PID1: variants seen among roughly 807,000 people sequenced by gnomAD.
PID1 encodes the protein phosphotyrosine interaction domain containing 1, also known as PTB-containing, cubilin and LRP1-interacting protein.
Under a neutral mutation model 19.1 loss-of-function variants are expected in PID1, and 10 were observed. That is an observed-to-expected ratio of 0.52 (90% CI 0.32 to 0.89). The LOEUF is 0.89. Among genes scored for constraint, PID1 ranks in the 40% least tolerant of loss-of-function variants. The pLI, the probability that PID1 is intolerant of heterozygous loss-of-function variation, is 0.03. For synonymous variants in PID1, 130 were observed against 116.0 expected, an observed-to-expected ratio of 1.12 and a Z score of -0.78; for missense variants, 248 against 285.3, an observed-to-expected ratio of 0.87 and a Z score of 0.94.
chr2:229,139,167 G>A lies in PID1; in HGVS notation c.177+16651C>T, dbSNP rs7600447. Among the ~76,000 whole-genome samples the A allele has an allele frequency of 2.2e-3, 155 of 71,188 alleles. 9 individuals carry two copies. Among genetic ancestry groups the A allele is most frequent in the South Asian group, 0.01 (16 of 1,582 alleles). The allele number at this position is 71,188 out of a possible 152,430, so 46.7% of individuals were successfully genotyped here. On this transcript the variant is annotated intron_variant, in intron 2 of 2. Coordinates refer to ENST00000392055, the MANE Select transcript of PID1 (RefSeq NM_001100818.2). Reference sequence around the variant, plus strand: ...AAAGAAAGCAAGCGAGCGAGCAAGCGAGCTTCCCTTGACCAAACACTCCCT... The same window carrying A: ...AAAGAAAGCAAGCGAGCGAGCAAGCAAGCTTCCCTTGACCAAACACTCCCT...
At chr2:229,209,557 T>A (rs1430183479) in intron 1 of PID1, among the ~76,000 whole-genome samples, 2 of 152,186 alleles carry the variant, frequency 1.3e-5, no homozygotes, top group African/African-American at 4.8e-5. Flanking sequence ...AATCACCACA[T>A]GGAAGACAGC....
chr2:229,088,551 A>G (rs1231076840), intron 2 of PID1, among the ~76,000 whole-genome samples: 4 of 152,202 alleles, frequency 2.6e-5, no homozygotes, highest in Admixed American at 6.5e-5. Flanking sequence ...CCTCTTCACA[A>G]TAAGAAATAC....
At chr2:229,063,335 G>A (rs1187119555) in intron 2 of PID1, among the ~76,000 whole-genome samples, 1 of 151,906 alleles carries the variant, frequency 6.6e-6, no homozygotes, top group Non-Finnish European at 1.5e-5. Context: ...AATTTCATTT[G>A]TCTCAAGATG....
At chr2:229,214,452 A>C (rs965606005) in intron 1 of PID1, among the ~76,000 whole-genome samples, 1 of 152,186 alleles carries the variant, frequency 6.6e-6, no homozygotes, top group African/African-American at 2.4e-5. Context: ...GTAGATCCTG[A>C]GGATATTGAA....
chr2:229,077,458 C>A (rs1009491454), intron 2 of PID1, among the ~76,000 whole-genome samples: 2 of 152,092 alleles, frequency 1.3e-5, no homozygotes, highest in African/African-American at 2.4e-5. Flanking sequence ...AAGTCTTTGC[C>A]CAGGCCTATG....
intron 2 of PID1, among the ~76,000 whole-genome samples, chr2:229,151,806 G>A (rs1574671424): frequency 6.6e-6 from 1 of 152,060 alleles, no homozygotes; most frequent in South Asian, 2.1e-4. Context: ...TCCTGACCTC[G>A]TGATCCGCCC....
chr2:229,054,723 G>T lies in PID1; in HGVS notation c.178-28615C>A, dbSNP rs201240084. ...AATGCAGTGTGTGTGTGTGTGTGGGGGGGGGGGGGGGTCTGGTTTTACTCA... is the reference window on the plus strand; with the variant it reads ...AATGCAGTGTGTGTGTGTGTGTGGGTGGGGGGGGGGGTCTGGTTTTACTCA... On this transcript the variant is annotated intron_variant, in intron 2 of 2. Transcript: ENST00000392055. Among the ~76,000 whole-genome samples, 387 of 95,944 alleles carry T rather than the reference G, an allele frequency of 4.0e-3. 3 individuals carry two copies. The highest frequency in any genetic ancestry group is 0.01 in the African/African-American group (202 of 19,620). 62.9% of individuals were successfully genotyped at this position (95,944 alleles called of 152,430 possible). A position where few individuals can be genotyped will look rare whatever the true frequency, so the allele number is the denominator to read the frequency against.
At chr2:229,075,175 G>A (rs752950248) in intron 2 of PID1, among the ~76,000 whole-genome samples, 5 of 152,228 alleles carry the variant, frequency 3.3e-5, no homozygotes, top group Non-Finnish European at 5.9e-5. Context: ...TTTCATGTAC[G>A]AGGAACGTAA....
chr2:229,244,634 T>A lies in PID1; in HGVS notation c.30+26380A>T, dbSNP rs530682248. On this transcript the variant is annotated intron_variant, in intron 1 of 2. Coordinates refer to ENST00000392055, the MANE Select transcript of PID1 (RefSeq NM_001100818.2). Reference sequence around the variant, plus strand: ...ATTATCTTCTCCTCTTTTGGGATTTTATTTTGTAACCCCCCAAATAATGCA... The same window carrying A: ...ATTATCTTCTCCTCTTTTGGGATTTAATTTTGTAACCCCCCAAATAATGCA... Among the ~76,000 whole-genome samples the A allele has an allele frequency of 1.1e-4, 17 of 152,308 alleles. No individual in the cohort carries two copies. The South Asian group carries it at 3.5e-3, about 32-fold the overall frequency.
At chr2:229,118,124 C>A (rs952725659) in intron 2 of PID1, among the ~76,000 whole-genome samples, 1 of 152,078 alleles carries the variant, frequency 6.6e-6, no homozygotes, top group South Asian at 2.1e-4. Flanking sequence ...AGGAGTAAAT[C>A]GATAAATGAA....
intron 2 of PID1, among the ~76,000 whole-genome samples, chr2:229,132,792 C>T (rs557480627): frequency 3.9e-5 from 6 of 152,112 alleles, no homozygotes; most frequent in Non-Finnish European, 7.4e-5. Context: ...ACTAAAAATG[C>T]TGTCATTATT....
chr2:229,121,722 T>G (rs373086602), intron 2 of PID1, among the ~76,000 whole-genome samples: 269 of 152,318 alleles, frequency 1.8e-3, no homozygotes, highest in African/African-American at 6.1e-3. Flanking sequence ...GGGGAGGTAT[T>G]TGTTTATTCA....
intron 2 of PID1, among the ~76,000 whole-genome samples, chr2:229,064,993 C>A (rs565894663): frequency 6.6e-6 from 1 of 152,172 alleles, no homozygotes; most frequent in African/African-American, 2.4e-5. Context: ...CTGGAGTAGC[C>A]TTTTAAGTGA....
chr2:229,215,068 C>A (rs886924684), intron 1 of PID1, among the ~76,000 whole-genome samples: 1 of 152,196 alleles, frequency 6.6e-6, no homozygotes, highest in African/African-American at 2.4e-5. Flanking sequence ...AAAATTAACA[C>A]TCCCACAAAT....
intron 2 of PID1, among the ~76,000 whole-genome samples, chr2:229,044,545 T>C (rs549620240): frequency 5.4e-4 from 83 of 152,318 alleles, no homozygotes; most frequent in African/African-American, 1.9e-3. Flanking sequence ...TCTCAAACTC[T>C]ACACTAGTGA....
At chr2:229,186,633 G>A (rs1691138903) in intron 1 of PID1, among the ~76,000 whole-genome samples, 1 of 152,188 alleles carries the variant, frequency 6.6e-6, no homozygotes, top group African/African-American at 2.4e-5. Flanking sequence ...CAGTGACCCT[G>A]GGCCCAAGCC....
rs200100687 is a variant in PID1, at chr2:229,025,993, G to A, written c.293C>T (p.Pro98Leu). Reference protein sequence around the residue: ...KHTLAREDVFPANALLEIRPF... With the variant: ...KHTLAREDVFLANALLEIRPF... ...CCGGATTTCCAGGAGGGCATTGGCC[G>A]GAAAGACATCCTCTCGGGCTAGCGT... The change falls in exon 3 of 3, where the codon CCG (proline) becomes CTG (leucine). Residue 98 changes from proline to leucine, a missense_variant. Transcript: ENST00000392055. 1.4e-5 allele frequency: 23 copies of A among 1,614,180 alleles called. No individual in the cohort carries two copies. The highest frequency in any genetic ancestry group is 8.8e-5 in the South Asian group (8 of 91,086).
intron 2 of PID1, among the ~76,000 whole-genome samples, chr2:229,092,315 T>A (rs567893018): frequency 7.9e-5 from 12 of 152,284 alleles, no homozygotes; most frequent in African/African-American, 2.6e-4. Context: ...ATTCTGGGAA[T>A]CACTTGAGCA....
intron 2 of PID1, among the ~76,000 whole-genome samples, chr2:229,104,537 A>G (rs553551134): frequency 2.0e-5 from 3 of 152,318 alleles, no homozygotes; most frequent in East Asian, 3.9e-4. Flanking sequence ...TTAATCATAC[A>G]TTATCTTTTG....
Sources: gnomAD v4.1 joint callset for allele counts (sites outside exome capture counted in the v4.1 genomes callset) on GRCh38, gnomAD v4.1.1 for gene constraint, MANE v1.5 for transcripts, NCBI Gene and HGNC (gene_info 2026-07-23, HGNC 2026-07-21) for gene names.